The following GRID1 variants were observed in gnomAD, a reference collection of about 807,000 sequenced individuals.
The protein encoded by GRID1 is glutamate receptor ionotropic, delta-1.
Under a neutral mutation model 98.0 loss-of-function variants are expected in GRID1, and 28 were observed. That is an observed-to-expected ratio of 0.29 (90% CI 0.21 to 0.39). GRID1 has a LOEUF of 0.39. Ranked by LOEUF, GRID1 falls within the 10% of genes least tolerant of loss-of-function variation. The pLI, the probability that GRID1 is intolerant of heterozygous loss-of-function variation, is 1.00. For synonymous variants in GRID1, 553 were observed against 538.5 expected (o/e 1.03, Z -0.37); for missense variants, 1,111 against 1,340.5 (o/e 0.83, Z 2.67).
intron 3 of GRID1, among the ~76,000 whole-genome samples, chr10:86,144,471 G>A (rs1348288549): frequency 2.6e-5 from 4 of 152,260 alleles, no homozygotes; most frequent in African/African-American, 9.6e-5. Flanking sequence ...AGAGGACACA[G>A]GTCCCTCCCC....
intron 4 of GRID1, among the ~76,000 whole-genome samples, chr10:86,118,380 A>G (rs1844616753): frequency 1.3e-5 from 2 of 152,290 alleles, no homozygotes; most frequent in Non-Finnish European, 1.5e-5. Context: ...ACTGGGTACA[A>G]TGTACACTGC....
intron 8 of GRID1, among the ~76,000 whole-genome samples, chr10:85,801,694 AC>A (rs1209447552): frequency 6.6e-6 from 1 of 151,836 alleles, no homozygotes; most frequent in African/African-American, 2.4e-5. Context: ...AATAAACATA[AC>A]CATAAGTGGG....
intron 12 of GRID1, among the ~76,000 whole-genome samples, chr10:85,718,533 C>T (rs943216452): frequency 6.6e-6 from 1 of 152,248 alleles, no homozygotes; most frequent in African/African-American, 2.4e-5. Context: ...AACCTCAATT[C>T]TTCACTTCTG....
chr10:85,756,933 G>A (rs769371226), intron 8 of GRID1, among the ~76,000 whole-genome samples: 3 of 152,134 alleles, frequency 2.0e-5, no homozygotes, highest in Non-Finnish European at 4.4e-5. Context: ...TGTACAATGC[G>A]GAGACTGAGG....
chr10:86,208,280 G>C (rs970165657), intron 2 of GRID1, among the ~76,000 whole-genome samples: 3 of 152,100 alleles, frequency 2.0e-5, no homozygotes, highest in Admixed American at 6.5e-5. Flanking sequence ...ACCGGCAGGG[G>C]GTAGCTAAAC....
chr10:85,711,902 T>C (rs936112585), intron 12 of GRID1, among the ~76,000 whole-genome samples: 10 of 151,722 alleles, frequency 6.6e-5, no homozygotes, highest in African/African-American at 2.2e-4. Flanking sequence ...TTTTGTATAT[T>C]ATTGAACTAA....
intron 2 of GRID1, among the ~76,000 whole-genome samples, chr10:86,360,366 G>A (rs1012775931): frequency 2.0e-5 from 3 of 152,204 alleles, no homozygotes; most frequent in Non-Finnish European, 2.9e-5. Context: ...AATAACACTA[G>A]TGCAATTCAG....
chr10:86,045,783 G>A (rs1273025363), intron 4 of GRID1, among the ~76,000 whole-genome samples: 6 of 152,196 alleles, frequency 3.9e-5, no homozygotes, highest in Non-Finnish European at 7.3e-5. Context: ...TGGTGTGAAG[G>A]CCGTTGTTAT....
chr10:86,304,397 T>C (rs922747951), intron 2 of GRID1, among the ~76,000 whole-genome samples: 19 of 152,224 alleles, frequency 1.2e-4, no homozygotes, highest in African/African-American at 4.6e-4. Flanking sequence ...CTCAGCTCCC[T>C]GTGAATCCTG....
chr10:86,167,026 C>A (rs1036325814), intron 3 of GRID1, among the ~76,000 whole-genome samples: 1 of 152,238 alleles, frequency 6.6e-6, no homozygotes, highest in Non-Finnish European at 1.5e-5. Context: ...GAGCACCCCC[C>A]ACCCAGCCCA....
In GRID1 at chr10:85,602,615, C is replaced by A. The variant is rs3750688; in HGVS notation, c.2688G>T (p.Ala896=). 3 of 1,613,866 alleles carry A rather than the reference C, an allele frequency of 1.9e-6. No individual in the cohort carries two copies. In the African/African-American group the frequency reaches 4.0e-5, roughly 22 times the overall value. Residue 896 remains alanine (A), a synonymous_variant, in exon 16 of 16, where the codon GCG becomes GCT. Coordinates refer to ENST00000327946, the MANE Select transcript of GRID1 (RefSeq NM_017551.3). ...EDIAHKQISP[A]SIELSALEMG... ...TCTCCAGGGCCGAGAGCTCAATCGA[C>A]GCTGGGGAAATCTGCTTGTGAGCAA...
intron 4 of GRID1, among the ~76,000 whole-genome samples, chr10:86,005,408 G>A (rs925800031): frequency 6.6e-6 from 1 of 152,076 alleles, no homozygotes; most frequent in Non-Finnish European, 1.5e-5. Context: ...AAGAGAGTAA[G>A]GAGAAAGATC....
intron 2 of GRID1, among the ~76,000 whole-genome samples, chr10:86,224,864 A>C (rs1278287115): frequency 6.6e-6 from 1 of 152,064 alleles, no homozygotes; most frequent in Non-Finnish European, 1.5e-5. Flanking sequence ...CACCCTCGCA[A>C]CATCCAGAGC....
chr10:86,102,542 G>A (rs1317546039), intron 4 of GRID1, among the ~76,000 whole-genome samples: 5 of 152,216 alleles, frequency 3.3e-5, no homozygotes, highest in Non-Finnish European at 4.4e-5. Flanking sequence ...CCTGCCCGGC[G>A]CTGCCACACC....
intron 4 of GRID1, among the ~76,000 whole-genome samples, chr10:86,089,204 C>T (rs542961426): frequency 6.6e-6 from 1 of 152,324 alleles, no homozygotes; most frequent in East Asian, 1.9e-4. Context: ...CGCCCCCCTA[C>T]ATGGTGTCAG....
chr10:85,656,623 C>T (rs1039065310), intron 12 of GRID1, among the ~76,000 whole-genome samples: 1 of 152,202 alleles, frequency 6.6e-6, no homozygotes, highest in African/African-American at 2.4e-5. Flanking sequence ...CTAGTTCTCC[C>T]ATGTCAATCA....
At chr10:86,149,657 C>G (rs532691586) in intron 3 of GRID1, among the ~76,000 whole-genome samples, 1 of 152,236 alleles carries the variant, frequency 6.6e-6, no homozygotes, top group Non-Finnish European at 1.5e-5. Context: ...AAACACACCA[C>G]GCTGCATTAA....
chr10:86,159,277 T>G (rs1845287189), intron 3 of GRID1, among the ~76,000 whole-genome samples: 2 of 152,240 alleles, frequency 1.3e-5, no homozygotes, highest in African/African-American at 4.8e-5. Context: ...CACTATACAG[T>G]CATGCACCAC....
chr10:85,978,712 A>T (rs1842505938), intron 4 of GRID1, among the ~76,000 whole-genome samples: 1 of 152,184 alleles, frequency 6.6e-6, no homozygotes, highest in South Asian at 2.1e-4. Context: ...ATGAGCTCTT[A>T]TTCAAATTAG....
Sources: allele counts gnomAD v4.1 joint callset (sites outside exome capture counted in the v4.1 genomes callset), GRCh38; gene constraint gnomAD v4.1.1; transcripts MANE v1.5; gene names NCBI Gene and HGNC (gene_info 2026-07-23, HGNC 2026-07-21).